PI4KB: variants seen among roughly 807,000 people sequenced by gnomAD.
PI4KB encodes phosphatidylinositol 4-kinase beta, also known as PtdIns 4-kinase beta.
Under a neutral mutation model 81.4 loss-of-function variants are expected in PI4KB, and 23 were observed. The observed-to-expected ratio is 0.28, with a 90% CI of 0.20 to 0.40. PI4KB has a LOEUF of 0.40. Among genes scored for constraint, PI4KB ranks in the 10% least tolerant of loss-of-function variants. The probability of loss-of-function intolerance (pLI) is 1.00; values close to 1 mark genes in which losing one functional copy is unlikely to be tolerated. For synonymous variants in PI4KB, 381 were observed against 406.8 expected (o/e 0.94, Z 0.76); for missense variants, 651 against 1,036.6 (o/e 0.63, Z 5.11).
intron 1 of PI4KB, among the ~76,000 whole-genome samples, chr1:151,320,630 TCTGTCC>T (rs1299087806): frequency 1.3e-5 from 2 of 152,234 alleles, no homozygotes; most frequent in East Asian, 3.8e-4. Flanking sequence ...CCTATGTGGA[TCTGTCC>T]CTACTCGCAA....
At chr1:151,305,488 C>A (rs1455229629) in intron 5 of PI4KB, among the ~76,000 whole-genome samples, 1 of 152,272 alleles carries the variant, frequency 6.6e-6, no homozygotes, top group East Asian at 1.9e-4. Flanking sequence ...TGTCTTCTGG[C>A]CTTTGCATGC....
chr1:151,296,104 G>C (rs142888647), intron 9 of PI4KB, among the ~76,000 whole-genome samples: 1,623 of 152,216 alleles, frequency 0.011, 31 homozygotes, highest in African/African-American at 0.037. Flanking sequence ...AAATTAGCTG[G>C]GCGTGGTGGC....
chr1:151,314,697 A>G (rs1647640395), intron 2 of PI4KB, among the ~76,000 whole-genome samples: 2 of 152,230 alleles, frequency 1.3e-5, no homozygotes, highest in African/African-American at 4.8e-5. Context: ...CAGATGCCTC[A>G]GTGATAAGAA....
rs1166192759 is a variant in PI4KB at position 151,316,513 on chromosome 1, C to G, written c.-28-4G>C. 2.2e-5 allele frequency: 33 copies of G among 1,507,802 alleles called. No individual in the cohort carries two copies. The highest frequency in any genetic ancestry group is 2.8e-5 in the Non-Finnish European group (32 of 1,127,986). The allele number at this position is 1,507,802 out of a possible 1,614,324, so 93.4% of individuals were successfully genotyped here. On this transcript the variant is annotated splice_polypyrimidine_tract_variant and splice_region_variant and intron_variant, in intron 1 of 11. Transcript: ENST00000368873. Reference sequence around the variant, plus strand: ...AGCCAGACTTCGAGCTTCCAAGCTACAGGAAGAGGGAGGGAGAAAAGAACA... The same window carrying G: ...AGCCAGACTTCGAGCTTCCAAGCTAGAGGAAGAGGGAGGGAGAAAAGAACA...
chr1:151,293,610 T>C (rs1694517330), intron 11 of PI4KB: 1 of 314,510 alleles, frequency 3.2e-6, no homozygotes, highest in Admixed American at 4.9e-5. Flanking sequence ...AAGGAGATAA[T>C]GATGAGAGGG....
chr1:151,298,106 T>C (rs1171458055), intron 9 of PI4KB, among the ~76,000 whole-genome samples: 1 of 152,106 alleles, frequency 6.6e-6, no homozygotes, highest in Non-Finnish European at 1.5e-5. Flanking sequence ...TGAAAAAAAA[T>C]GACAGCTCTG....
intron 1 of PI4KB, among the ~76,000 whole-genome samples, chr1:151,320,194 C>T (rs764496487): frequency 6.6e-5 from 10 of 152,252 alleles, no homozygotes; most frequent in Non-Finnish European, 1.3e-4. Context: ...CCACCACGCC[C>T]GGCTAATTTT....
chr1:151,309,898 A>G (rs1451825799), intron 3 of PI4KB, among the ~76,000 whole-genome samples: 1 of 152,154 alleles, frequency 6.6e-6, no homozygotes, highest in East Asian at 1.9e-4. Flanking sequence ...CTAATCCAGG[A>G]GTGAATTCTA....
At position 151,306,191 on chromosome 1, in the gene PI4KB, T is replaced by C. The variant is rs749445506; in HGVS notation, c.1355A>G (p.Tyr452Cys). Residue 452 changes from tyrosine to cysteine, a missense_variant, in exon 5 of 12, where the codon TAT (tyrosine) becomes TGT (cysteine). Transcript: ENST00000368873. ...RAGSFSTVPN[Y>C]DNDDEAWSVD... ...CGACCAGGCCTCATCATCGTTGTCA[T>C]AGTTGGGCACAGTGCTGAAGCTGCC... is the stretch of plus-strand genomic sequence containing the variant. The C allele has an allele frequency of 9.3e-6, 15 of 1,614,184 alleles. No homozygotes were observed. In the South Asian group the frequency reaches 1.3e-4, roughly 14 times the overall value.
intron 1 of PI4KB, chr1:151,326,460 A>G: frequency 2.4e-6 from 1 of 412,510 alleles, no homozygotes; most frequent in South Asian, 5.9e-5. Context: ...CACAAGGATC[A>G]GAGAAATCCC....
chr1:151,315,375 G>A (rs752815959), intron 2 of PI4KB, among the ~76,000 whole-genome samples, 198 bp downstream of exon 2: 2 of 152,220 alleles, frequency 1.3e-5, no homozygotes, highest in East Asian at 1.9e-4. Context: ...CTCTGGGTCT[G>A]AGTTCTTCCT....
At position 151,299,175 on chromosome 1, in the gene PI4KB, G is replaced by T. The variant is rs12737576; in HGVS notation, c.1750-102C>A. ...TCCAGCCTCTCTCCTTGGTAGCATT[G>T]AATTCTAAGCCATCAAATGAGTAAG... On this transcript the variant is annotated intron_variant, in intron 8 of 11. Coordinates refer to ENST00000368873, the MANE Select transcript of PI4KB (RefSeq NM_001369623.2). 8,432 of 1,074,876 alleles carry T rather than the reference G, an allele frequency of 7.8e-3. 39 individuals are homozygous for T. Among genetic ancestry groups the T allele is most frequent in the Non-Finnish European group, 0.01 (7,499 of 726,264 alleles). 66.6% of individuals were successfully genotyped at this position (1,074,876 alleles called of 1,614,324 possible).
At position 151,292,764 on chromosome 1, in the gene PI4KB, TG is replaced by T; in HGVS notation, c.*87del. 8.5e-7 allele frequency: 1 copy of T among 1,182,228 alleles called. No homozygotes were observed. Among genetic ancestry groups the T allele is most frequent in the Non-Finnish European group, 1.2e-6 (1 of 835,908 alleles). The allele number at this position is 1,182,228 out of a possible 1,614,324, so 73.2% of individuals were successfully genotyped here. On this transcript the variant is annotated 3_prime_UTR_variant, in exon 12 of 12. Transcript: ENST00000368873. Reference sequence around the variant, plus strand: ...TCCCTTGGGTGGATGGTTGGGTAGGTGGGGTTTCCTGGTTTGGGGTTTCTCA... The same window carrying T: ...TCCCTTGGGTGGATGGTTGGGTAGGTGGGTTTCCTGGTTTGGGGTTTCTCA...
At chr1:151,321,920 A>AATGAAAGG (rs1328657886) in intron 1 of PI4KB, among the ~76,000 whole-genome samples, 64 of 151,970 alleles carry the variant, frequency 4.2e-4, no homozygotes, top group African/African-American at 1.5e-3. Flanking sequence ...TTCTAAAGAA[A>AATGAAAGG]ATGAAAGGAC....
intron 2 of PI4KB, among the ~76,000 whole-genome samples, chr1:151,312,498 T>C (rs1019439857): frequency 6.6e-6 from 1 of 152,190 alleles, no homozygotes; most frequent in Admixed American, 6.5e-5. Context: ...AACAGTTCCA[T>C]AGATACTGGG....
At chr1:151,308,606 CT>C (rs749394116) in intron 3 of PI4KB, among the ~76,000 whole-genome samples, 1 of 152,182 alleles carries the variant, frequency 6.6e-6, no homozygotes, top group Non-Finnish European at 1.5e-5. Flanking sequence ...TATTAATTCC[CT>C]GCTGTGAGTT....
intron 1 of PI4KB, among the ~76,000 whole-genome samples, chr1:151,320,324 C>T (rs1051633833): frequency 8.5e-5 from 13 of 152,182 alleles, no homozygotes; most frequent in African/African-American, 1.4e-4. Context: ...TGAGCTGCCG[C>T]GCCCGGCCCC....
intron 2 of PI4KB, among the ~76,000 whole-genome samples, chr1:151,310,954 C>T (rs977838505): frequency 1.3e-5 from 2 of 152,212 alleles, no homozygotes; most frequent in African/African-American, 4.8e-5. Context: ...TCCTATCAGG[C>T]TATCCACATG....
chr1:151,327,134 C>T (rs575058383), intron 1 of PI4KB, 137 bp downstream of exon 1: 3 of 393,560 alleles, frequency 7.6e-6, no homozygotes, highest in East Asian at 7.2e-5. Context: ...GAGAAGGAAC[C>T]CGGGGTGCAG....
Sources: allele counts gnomAD v4.1 joint callset (sites outside exome capture counted in the v4.1 genomes callset), GRCh38; gene constraint gnomAD v4.1.1; transcripts MANE v1.5; gene names NCBI Gene and HGNC (gene_info 2026-07-23, HGNC 2026-07-21).